The following NDFIP2 variants were observed in gnomAD, a reference collection of about 807,000 sequenced individuals.
NDFIP2 encodes the protein NEDD4 family-interacting protein 2.
NDFIP2 carries 19 observed loss-of-function variants against 36.0 expected under a neutral mutation model. That is an observed-to-expected ratio of 0.53 (90% CI 0.37 to 0.77). NDFIP2 has a LOEUF of 0.77. Ranked by LOEUF, NDFIP2 falls within the 30% of genes least tolerant of loss-of-function variation. The pLI is 0.00. For missense variants in NDFIP2, 446 were observed against 435.8 expected, an observed-to-expected ratio of 1.02 and a Z score of -0.21; for synonymous variants, 181 against 167.7, an observed-to-expected ratio of 1.08 and a Z score of -0.61.
chr13:79,545,509 C>T (rs529966763), intron 5 of NDFIP2, among the ~76,000 whole-genome samples: 1 of 152,138 alleles, frequency 6.6e-6, no homozygotes, highest in South Asian at 2.1e-4. Flanking sequence ...TAATGTTATG[C>T]CTTTAGTGTG....
At chr13:79,537,768 T>C (rs1277780431) in intron 3 of NDFIP2, among the ~76,000 whole-genome samples, 1 of 152,224 alleles carries the variant, frequency 6.6e-6, no homozygotes, top group East Asian at 1.9e-4. Flanking sequence ...TTATGTGATA[T>C]TGAGCAGAGC....
chr13:79,529,263 A>G (rs1290559475), intron 2 of NDFIP2, among the ~76,000 whole-genome samples: 1 of 152,176 alleles, frequency 6.6e-6, no homozygotes, highest in Non-Finnish European at 1.5e-5. Flanking sequence ...AAAATAAGTA[A>G]AATTTAAAAG....
intron 5 of NDFIP2, among the ~76,000 whole-genome samples, chr13:79,544,358 C>T (rs1875576250): frequency 6.6e-6 from 1 of 152,128 alleles, no homozygotes; most frequent in Non-Finnish European, 1.5e-5. Flanking sequence ...GAGACAAGTT[C>T]CCCATCTTAA....
chr13:79,533,681 T>C (rs950633848), intron 3 of NDFIP2, among the ~76,000 whole-genome samples: 1 of 152,078 alleles, frequency 6.6e-6, no homozygotes, highest in Admixed American at 6.6e-5. Flanking sequence ...TTGGGACAAA[T>C]TGCATAGCCT....
chr13:79,530,055 T>C (rs1033191219), intron 2 of NDFIP2, among the ~76,000 whole-genome samples: 5 of 152,248 alleles, frequency 3.3e-5, no homozygotes, highest in Non-Finnish European at 7.3e-5. Flanking sequence ...CAGTGAGTCA[T>C]AATCTTTTTC....
intron 2 of NDFIP2, among the ~76,000 whole-genome samples, chr13:79,527,434 T>G (rs1874844967): frequency 6.6e-6 from 1 of 152,202 alleles, no homozygotes; most frequent in African/African-American, 2.4e-5. Flanking sequence ...GTCTGGATGG[T>G]ATAGTAATTG....
intron 5 of NDFIP2, among the ~76,000 whole-genome samples, chr13:79,545,076 TAAAA>T (rs1594860071): frequency 6.6e-6 from 1 of 152,116 alleles, no homozygotes; most frequent in African/African-American, 2.4e-5. Flanking sequence ...AAATTATTAT[TAAAA>T]AAACCTCAAA....
At chr13:79,489,651 A>G (rs1284921717) in intron 1 of NDFIP2, among the ~76,000 whole-genome samples, 1 of 152,150 alleles carries the variant, frequency 6.6e-6, no homozygotes, top group Non-Finnish European at 1.5e-5. Context: ...CGCAGACTTG[A>G]TTGAAATGTG....
At chr13:79,493,465 A>G (rs1483536978) in intron 1 of NDFIP2, among the ~76,000 whole-genome samples, 1 of 152,190 alleles carries the variant, frequency 6.6e-6, no homozygotes, top group Non-Finnish European at 1.5e-5. Context: ...CATTTGCAAG[A>G]TAGTAACCAT....
intron 5 of NDFIP2, 58 bp from the exon 6 acceptor site, chr13:79,548,270 T>G: frequency 8.2e-7 from 1 of 1,213,444 alleles, no homozygotes; most frequent in Non-Finnish European, 1.2e-6. Flanking sequence ...GAAGATAATT[T>G]ATGATTTTCA....
chr13:79,523,445 C>T (rs909596826), intron 2 of NDFIP2, among the ~76,000 whole-genome samples: 4 of 152,184 alleles, frequency 2.6e-5, no homozygotes, highest in African/African-American at 9.7e-5. Flanking sequence ...GTCTCGAACT[C>T]CTGACCTAGG....
intron 2 of NDFIP2, among the ~76,000 whole-genome samples, chr13:79,528,505 C>T (rs367653999): frequency 1.4e-4 from 22 of 152,186 alleles, no homozygotes; most frequent in East Asian, 9.6e-4. Flanking sequence ...ATAAAGTCTA[C>T]GGTAGTGTAC....
chr13:79,495,798 T>C (rs1245474814), intron 1 of NDFIP2, among the ~76,000 whole-genome samples: 1 of 151,970 alleles, frequency 6.6e-6, no homozygotes, highest in Non-Finnish European at 1.5e-5. Context: ...TTTGGATCAT[T>C]TGATTTATGA....
At chr13:79,493,743 A>G (rs1873331942) in intron 1 of NDFIP2, among the ~76,000 whole-genome samples, 1 of 152,180 alleles carries the variant, frequency 6.6e-6, no homozygotes, top group Non-Finnish European at 1.5e-5. Context: ...TGGCAATGCC[A>G]GACATAGAGA....
At chr13:79,501,113 A>G (rs1357876983) in intron 1 of NDFIP2, among the ~76,000 whole-genome samples, 1 of 152,040 alleles carries the variant, frequency 6.6e-6, no homozygotes, top group African/African-American at 2.4e-5. Context: ...TTCTGGAAAA[A>G]CAAAACTAAG....
At chr13:79,537,699 A>G (rs909111752) in intron 3 of NDFIP2, among the ~76,000 whole-genome samples, 43 of 152,322 alleles carry the variant, frequency 2.8e-4, no homozygotes, top group African/African-American at 9.6e-4. Flanking sequence ...TGAGACTACC[A>G]TGATTGTGTG....
chr13:79,505,356 G>T (rs1016362929), intron 1 of NDFIP2, among the ~76,000 whole-genome samples: 5 of 152,124 alleles, frequency 3.3e-5, no homozygotes, highest in Non-Finnish European at 7.3e-5. Flanking sequence ...AGTTGCCGGC[G>T]CAGCAGCTCA....
chr13:79,530,213 T>G (rs1874961924), intron 2 of NDFIP2, among the ~76,000 whole-genome samples: 1 of 152,130 alleles, frequency 6.6e-6, no homozygotes, highest in Non-Finnish European at 1.5e-5. Flanking sequence ...AGTCTTGGAT[T>G]CCTGGGCTCA....
intron 1 of NDFIP2, among the ~76,000 whole-genome samples, chr13:79,515,709 G>A (rs1874283231): frequency 6.6e-6 from 1 of 152,192 alleles, no homozygotes; most frequent in Admixed American, 6.5e-5. Context: ...CTTCTGAGCT[G>A]TAGGTTTAGA....
Sources: allele counts gnomAD v4.1 joint callset (sites outside exome capture counted in the v4.1 genomes callset), GRCh38; gene constraint gnomAD v4.1.1; transcripts MANE v1.5; gene names NCBI Gene and HGNC (gene_info 2026-07-23, HGNC 2026-07-21).